Variants in RALGAPB observed in about 807,000 individuals in gnomAD.
The protein encoded by RALGAPB is Ral GTPase activating protein non-catalytic subunit beta.
In RALGAPB, 25 loss-of-function variants were observed where a neutral mutation model predicts 161.1. That is an observed-to-expected ratio of 0.16 (90% CI 0.11 to 0.22). The LOEUF (loss-of-function observed/expected upper bound fraction) is 0.22. Among genes scored for constraint, RALGAPB ranks in the 10% least tolerant of loss-of-function variants. RALGAPB has a pLI of 1.00. For missense variants in RALGAPB, 1,391 were observed against 1,815.2 expected (o/e 0.77, Z 4.25); for synonymous variants, 629 against 626.1 (o/e 1.00, Z -0.07).
intron 7 of RALGAPB, among the ~76,000 whole-genome samples, 163 bp from the exon 8 acceptor site, chr20:38,517,343 C>G (rs2086157134): frequency 6.6e-6 from 1 of 152,076 alleles, no homozygotes. Context: ...AGTTTGTGTT[C>G]TGTTACTCAG....
intron 6 of RALGAPB, 35 bp downstream of exon 6, chr20:38,509,243 C>G (rs1347394970): frequency 7.5e-6 from 12 of 1,593,734 alleles, no homozygotes; most frequent in Middle Eastern, 3.3e-4. Flanking sequence ...TGCCATTTAC[C>G]TAGTAAGTAT....
At chr20:38,481,134 C>A (rs1390907784) in intron 1 of RALGAPB, among the ~76,000 whole-genome samples, 1 of 152,162 alleles carries the variant, frequency 6.6e-6, no homozygotes, top group Non-Finnish European at 1.5e-5. Context: ...TGCTCTGTAT[C>A]TGTAGTCTTT....
intron 7 of RALGAPB, 117 bp downstream of exon 7, chr20:38,516,487 A>G: frequency 9.7e-7 from 1 of 1,027,344 alleles, no homozygotes; most frequent in East Asian, 2.7e-5. Flanking sequence ...TTTGATGACA[A>G]ATAACAAGCG....
At chr20:38,510,298 G>T (rs750975760) in intron 6 of RALGAPB, among the ~76,000 whole-genome samples, 2 of 151,888 alleles carry the variant, frequency 1.3e-5, no homozygotes, top group Non-Finnish European at 2.9e-5. Context: ...TCGAGCCACC[G>T]CACCCAGCCT....
chr20:38,477,731 T>C (rs1051534181), intron 1 of RALGAPB, among the ~76,000 whole-genome samples: 1 of 152,194 alleles, frequency 6.6e-6, no homozygotes, highest in Non-Finnish European at 1.5e-5. Context: ...TTTCAAAGTA[T>C]GTCAACTTAG....
intron 7 of RALGAPB, chr20:38,516,679 A>G (rs2086134591): frequency 4.4e-6 from 1 of 227,190 alleles, no homozygotes; most frequent in Non-Finnish European, 8.6e-6. Flanking sequence ...TAGGCCTAGT[A>G]GATAAATGGA....
Position 38,576,737 on chromosome 20 carries a change from A to G in RALGAPB, c.*1770A>G, listed in dbSNP as rs549431968. On this transcript the variant is annotated 3_prime_UTR_variant, in exon 30 of 30. Transcript: ENST00000262879. ...CACAGGAAGAAGATGAGGTTTAATA[A>G]CTTTCAAGGTAATTCTAGATTGACA... 1.3e-5 allele frequency: 2 copies of G among 152,762 alleles called. No homozygotes were observed. The highest frequency in any genetic ancestry group is 4.1e-4 in the South Asian group (2 of 4,828). 9.5% of individuals were successfully genotyped at this position (152,762 alleles called of 1,614,324 possible). A position where few individuals can be genotyped will look rare whatever the true frequency, so the allele number is the denominator to read the frequency against.
intron 26 of RALGAPB, chr20:38,569,310 C>T (rs1300075213): frequency 2.2e-4 from 33 of 151,890 alleles, no homozygotes; most frequent in Admixed American, 2.1e-3. Flanking sequence ...GCCACATAGT[C>T]CTGTTAACCT....
chr20:38,557,067 C>A (rs1410132341), intron 22 of RALGAPB, among the ~76,000 whole-genome samples: 1 of 152,184 alleles, frequency 6.6e-6, no homozygotes, highest in Non-Finnish European at 1.5e-5. Flanking sequence ...GACAGTCATT[C>A]TTGCTTTCTC....
intron 20 of RALGAPB, 57 bp from the exon 21 acceptor site, chr20:38,551,014 C>T: frequency 1.9e-6 from 3 of 1,555,472 alleles, no homozygotes; most frequent in Admixed American, 3.5e-5. Flanking sequence ...AAATACATGT[C>T]ATTACAGATG....
chr20:38,541,851 A>C (rs1237462810), intron 18 of RALGAPB, among the ~76,000 whole-genome samples: 1 of 152,170 alleles, frequency 6.6e-6, no homozygotes, highest in Non-Finnish European at 1.5e-5. Flanking sequence ...GGAAAATGAC[A>C]CTGGACCTGA....
chr20:38,550,463 G>C (rs1001396173), intron 20 of RALGAPB, among the ~76,000 whole-genome samples: 1 of 152,170 alleles, frequency 6.6e-6, no homozygotes, highest in Non-Finnish European at 1.5e-5. Flanking sequence ...GGAGGGGGCA[G>C]TACAGAGCAC....
chr20:38,502,457 T>A (rs2085623739), intron 5 of RALGAPB, among the ~76,000 whole-genome samples: 1 of 152,246 alleles, frequency 6.6e-6, no homozygotes, highest in Non-Finnish European at 1.5e-5. Flanking sequence ...ATACGTTCTG[T>A]TGTTTGAGGT....
intron 28 of RALGAPB, 131 bp from the exon 29 acceptor site, chr20:38,574,019 C>A: frequency 1.1e-6 from 1 of 894,262 alleles, no homozygotes; most frequent in East Asian, 2.8e-5. Flanking sequence ...GACCCCTTGG[C>A]TTTTCTCAGA....
chr20:38,504,362 G>A (rs1003680464), intron 5 of RALGAPB, among the ~76,000 whole-genome samples: 1 of 152,134 alleles, frequency 6.6e-6, no homozygotes, highest in African/African-American at 2.4e-5. Context: ...AATAGTGCAG[G>A]GATAACTGGC....
rs1184736620 is a variant in RALGAPB, at chr20:38,576,894, A to T, written c.*1927A>T. Reference sequence around the variant, plus strand: ...GTACTTCTTCAGTGTGATTCTTCAGATCAAACTTTTACTTTTGGCATAGTT... The same window carrying T: ...GTACTTCTTCAGTGTGATTCTTCAGTTCAAACTTTTACTTTTGGCATAGTT... On this transcript the variant is annotated 3_prime_UTR_variant, in exon 30 of 30. Coordinates refer to ENST00000262879, the MANE Select transcript of RALGAPB (RefSeq NM_020336.4). 4 of 152,776 alleles carry T rather than the reference A, an allele frequency of 2.6e-5. No individual in the cohort carries two copies. The highest frequency in any genetic ancestry group is 9.6e-5 in the African/African-American group (4 of 41,576). 9.5% of individuals were successfully genotyped at this position (152,776 alleles called of 1,614,324 possible).
intron 19 of RALGAPB, chr20:38,547,236 T>G (rs531563499): frequency 6.6e-6 from 1 of 150,744 alleles, no homozygotes; most frequent in South Asian, 2.1e-4. Context: ...CACAAGTACA[T>G]TTTTTTTTTC....
intron 29 of RALGAPB, 146 bp downstream of exon 29, chr20:38,574,444 A>G (rs2088359129): frequency 1.6e-5 from 16 of 996,442 alleles, no homozygotes; most frequent in Non-Finnish European, 2.1e-5. Context: ...AAAAGGGAGC[A>G]TGTTTCGTTC....
intron 4 of RALGAPB, among the ~76,000 whole-genome samples, 165 bp downstream of exon 4, chr20:38,497,681 T>C (rs1297217203): frequency 3.9e-5 from 6 of 152,194 alleles, no homozygotes; most frequent in Non-Finnish European, 8.8e-5. Context: ...AATATAACTT[T>C]AGCCCTGATG....
Sources: allele counts gnomAD v4.1 joint callset (sites outside exome capture counted in the v4.1 genomes callset), GRCh38; gene constraint gnomAD v4.1.1; transcripts MANE v1.5; gene names NCBI Gene and HGNC (gene_info 2026-07-23, HGNC 2026-07-21).